Variants in INPP4B observed in about 807,000 individuals in gnomAD.
INPP4B encodes the protein inositol polyphosphate 4-phosphatase type II.
Under a neutral mutation model 122.5 loss-of-function variants are expected in INPP4B, and 55 were observed. That is an observed-to-expected ratio of 0.45 (90% CI 0.36 to 0.56). INPP4B has a LOEUF of 0.56. Among genes scored for constraint, INPP4B ranks in the 20% least tolerant of loss-of-function variants. INPP4B has a pLI of 0.00. For synonymous variants in INPP4B, 403 were observed against 388.7 expected (o/e 1.04, Z -0.43); for missense variants, 1,000 against 1,097.7 (o/e 0.91, Z 1.26).
intron 2 of INPP4B, among the ~76,000 whole-genome samples, chr4:142,619,757 GT>G (rs1744485834): frequency 6.6e-6 from 1 of 151,940 alleles, no homozygotes; most frequent in Non-Finnish European, 1.5e-5. Context: ...CAGATCTCAT[GT>G]TAAGTGTTAT....
intron 2 of INPP4B, among the ~76,000 whole-genome samples, chr4:142,578,253 C>T (rs989795361): frequency 6.6e-5 from 10 of 152,050 alleles, no homozygotes; most frequent in African/African-American, 1.9e-4. Flanking sequence ...GATACACACA[C>T]GCTGTGGTCT....
chr4:142,259,643 T>C (rs1385551408), intron 11 of INPP4B, among the ~76,000 whole-genome samples: 2 of 151,772 alleles, frequency 1.3e-5, no homozygotes, highest in African/African-American at 2.4e-5. Context: ...TTTTTTACTT[T>C]ATACACTTTT....
chr4:142,167,053 A>G (rs1823126651), intron 16 of INPP4B, among the ~76,000 whole-genome samples: 1 of 151,916 alleles, frequency 6.6e-6, no homozygotes, highest in African/African-American at 2.4e-5. Flanking sequence ...TATCTACCCA[A>G]AGGAATATAA....
chr4:142,573,398 C>T (rs549288214), intron 2 of INPP4B, among the ~76,000 whole-genome samples: 15 of 152,170 alleles, frequency 9.9e-5, no homozygotes, highest in African/African-American at 3.1e-4. Flanking sequence ...CCATTTAGGT[C>T]TTGCATCCAT....
At chr4:142,103,818 TACACACACACAG>T (rs1028581953) in intron 23 of INPP4B, among the ~76,000 whole-genome samples, 1 of 151,356 alleles carries the variant, frequency 6.6e-6, no homozygotes, top group Non-Finnish European at 1.5e-5. Flanking sequence ...CACACACACA[TACACACACACAG>T]ACACACACAC....
At chr4:142,645,859 G>A (rs942421263) in intron 2 of INPP4B, among the ~76,000 whole-genome samples, 1 of 152,112 alleles carries the variant, frequency 6.6e-6, no homozygotes, top group Non-Finnish European at 1.5e-5. Context: ...GTTAAGCAGC[G>A]ACAAGGAGGA....
At chr4:142,773,079 C>T (rs370447376) in intron 1 of INPP4B, among the ~76,000 whole-genome samples, 1 of 151,924 alleles carries the variant, frequency 6.6e-6, no homozygotes, top group Non-Finnish European at 1.5e-5. Flanking sequence ...TAAATAAAGA[C>T]ACAATCTAAC....
chr4:142,446,402 A>C (rs1812920170), intron 3 of INPP4B, among the ~76,000 whole-genome samples: 1 of 152,152 alleles, frequency 6.6e-6, no homozygotes, highest in East Asian at 1.9e-4. Flanking sequence ...CAAAACCTCA[A>C]ATATTGATGA....
At chr4:142,209,179 A>C (rs2149529788) in intron 12 of INPP4B, among the ~76,000 whole-genome samples, 153 bp from the exon 13 acceptor site, 1 of 152,348 alleles carries the variant, frequency 6.6e-6, no homozygotes, top group Non-Finnish European at 1.5e-5. Flanking sequence ...TTTTTTAAAA[A>C]TTATTTTAGC....
intron 2 of INPP4B, among the ~76,000 whole-genome samples, chr4:142,623,138 T>C (rs750943104): frequency 1.3e-5 from 2 of 151,980 alleles, no homozygotes; most frequent in African/African-American, 4.8e-5. Flanking sequence ...GATTTCCTTA[T>C]CTGAGGCTTA....
intron 1 of INPP4B, among the ~76,000 whole-genome samples, chr4:142,758,572 T>C (rs1038652032): frequency 6.6e-6 from 1 of 152,108 alleles, no homozygotes; most frequent in African/African-American, 2.4e-5. Context: ...CCTCTAAGGT[T>C]CCCTTGGACT....
intron 2 of INPP4B, among the ~76,000 whole-genome samples, chr4:142,615,415 G>A (rs1337965020): frequency 6.6e-6 from 1 of 152,140 alleles, no homozygotes; most frequent in East Asian, 1.9e-4. Context: ...CTGGTTAAAG[G>A]AGTAAAGCTT....
intron 3 of INPP4B, among the ~76,000 whole-genome samples, chr4:142,433,315 T>C (rs1273864026): frequency 6.6e-6 from 1 of 152,156 alleles, no homozygotes; most frequent in African/African-American, 2.4e-5. Flanking sequence ...GGTTGTTGTA[T>C]ACCACAAGCA....
chr4:142,208,756 G>A, intron 13 of INPP4B, 140 bp downstream of exon 13: 1 of 616,114 alleles, frequency 1.6e-6, no homozygotes, highest in South Asian at 4.5e-5. Flanking sequence ...TTTGTTTTAA[G>A]ATGTTAAAGT....
At position 142,503,781 on chromosome 4, in the gene INPP4B, T is replaced by C. The variant is rs115261186; in HGVS notation, c.-190-41055A>G. Among the ~76,000 whole-genome samples, 1,060 of 152,134 alleles carry C rather than the reference T, an allele frequency of 7.0e-3. 14 individuals are homozygous for C. The highest frequency in any genetic ancestry group is 0.024 in the African/African-American group (1,004 of 41,518). On this transcript the variant is annotated intron_variant, in intron 2 of 25. Coordinates refer to ENST00000262992, the MANE Select transcript of INPP4B (RefSeq NM_001101669.3). Reference sequence around the variant, plus strand: ...GTATTATTACCAAATCAATATGCACTGGTATAGAAATAAACAGATCAATGG... The same window carrying C: ...GTATTATTACCAAATCAATATGCACCGGTATAGAAATAAACAGATCAATGG...
intron 18 of INPP4B, among the ~76,000 whole-genome samples, chr4:142,141,736 A>G (rs932109778): frequency 1.3e-5 from 2 of 152,240 alleles, no homozygotes; most frequent in Non-Finnish European, 2.9e-5. Context: ...TGAAAAGAGA[A>G]ATAGCTGTAG....
At chr4:142,334,228 T>C (rs1445900287) in intron 7 of INPP4B, among the ~76,000 whole-genome samples, 1 of 152,222 alleles carries the variant, frequency 6.6e-6, no homozygotes, top group Non-Finnish European at 1.5e-5. Flanking sequence ...CATATATATG[T>C]ATACACGCAC....
Position 142,619,179 on chromosome 4 carries a change from T to A in INPP4B, c.-191+106660A>T, listed in dbSNP as rs560411069. ...CTGCTGTAGAAAACAGTATGGAGATTCCTAAAAAAAAAAATTAAAAATAGA... is the reference window on the plus strand; with the variant it reads ...CTGCTGTAGAAAACAGTATGGAGATACCTAAAAAAAAAAATTAAAAATAGA... On this transcript the variant is annotated intron_variant, in intron 2 of 25. Coordinates refer to ENST00000262992, the MANE Select transcript of INPP4B (RefSeq NM_001101669.3). 2.0e-5 allele frequency among the ~76,000 whole-genome samples: 3 copies of A among 151,658 alleles called. No individual in the cohort carries two copies. The East Asian group carries it at 5.8e-4, about 30-fold the overall frequency.
intron 2 of INPP4B, among the ~76,000 whole-genome samples, chr4:142,598,782 C>T (rs75030668): frequency 0.01 from 1,574 of 152,280 alleles, 30 homozygotes; most frequent in African/African-American, 0.036. Flanking sequence ...CTGTGAGCTG[C>T]CTCTGTGCTC....
Sources: allele counts gnomAD v4.1 joint callset (sites outside exome capture counted in the v4.1 genomes callset), GRCh38; gene constraint gnomAD v4.1.1; transcripts MANE v1.5; gene names NCBI Gene and HGNC (gene_info 2026-07-23, HGNC 2026-07-21).